The following CCDC7 variants were observed in gnomAD, a reference collection of about 807,000 sequenced individuals.
CCDC7 encodes coiled-coil domain-containing protein 7.
Under a neutral mutation model 196.9 loss-of-function variants are expected in CCDC7, and 183 were observed. The observed-to-expected ratio is 0.93, with a 90% CI of 0.82 to 1.05. The LOEUF (loss-of-function observed/expected upper bound fraction) is 1.05. Among genes scored for constraint, CCDC7 ranks in the 50% least tolerant of loss-of-function variants. The pLI, the probability that CCDC7 is intolerant of heterozygous loss-of-function variation, is 0.00. For missense variants in CCDC7, 1,540 were observed against 1,482.2 expected (o/e 1.04, Z -0.64); for synonymous variants, 525 against 484.6 (o/e 1.08, Z -1.10).
At chr10:32,591,719 G>C (rs2059799307) in intron 18 of CCDC7, among the ~76,000 whole-genome samples, 1 of 152,164 alleles carries the variant, frequency 6.6e-6, no homozygotes, top group African/African-American at 2.4e-5. Context: ...GGGGAGTGCT[G>C]CCAGGGTGTT....
Position 32,760,768 on chromosome 10 carries a change from G to A in CCDC7, c.2906-18209G>A, listed in dbSNP as rs56874978. Among the ~76,000 whole-genome samples, 1,375 of 145,726 alleles carry A rather than the reference G, an allele frequency of 9.4e-3. 31 individuals are homozygous for A. The highest frequency in any genetic ancestry group is 0.034 in the African/African-American group (1,304 of 38,226). On this transcript the variant is annotated intron_variant, in intron 28 of 41. Coordinates refer to ENST00000639629, the Ensembl canonical transcript of CCDC7. ...AATAATAATAAAATTAAAAAAAAAA[G>A]ATATTACAAAAAAAAAGAACACCCA...
chr10:32,698,348 G>A (rs1229111992), intron 24 of CCDC7, among the ~76,000 whole-genome samples: 2 of 152,184 alleles, frequency 1.3e-5, no homozygotes, highest in African/African-American at 4.8e-5. Flanking sequence ...GACGGAGAAT[G>A]ACTTTGACGA....
At chr10:32,771,515 T>A (rs1048898643) in intron 28 of CCDC7, among the ~76,000 whole-genome samples, 4 of 152,232 alleles carry the variant, frequency 2.6e-5, no homozygotes, top group African/African-American at 9.6e-5. Context: ...GATAGTTTTT[T>A]TCTTTTTAGG....
chr10:32,723,372 A>C (rs1011295782), intron 25 of CCDC7, among the ~76,000 whole-genome samples: 1 of 152,152 alleles, frequency 6.6e-6, no homozygotes, highest in Non-Finnish European at 1.5e-5. Flanking sequence ...GCATGGCCTT[A>C]TGAGGATGTT....
At chr10:32,739,026 T>C (rs1441624871) in intron 28 of CCDC7, among the ~76,000 whole-genome samples, 1 of 152,126 alleles carries the variant, frequency 6.6e-6, no homozygotes, top group Admixed American at 6.6e-5. Flanking sequence ...TTTTAAATAT[T>C]TTAAGTTTTT....
intron 20 of CCDC7, among the ~76,000 whole-genome samples, chr10:32,659,577 G>T (rs1322586810): frequency 2.6e-5 from 4 of 152,038 alleles, no homozygotes; most frequent in African/African-American, 7.2e-5. Flanking sequence ...TATGTTTAAG[G>T]TCTAATATCC....
At chr10:32,525,268 A>T (rs977667534) in intron 11 of CCDC7, among the ~76,000 whole-genome samples, 1 of 152,122 alleles carries the variant, frequency 6.6e-6, no homozygotes, top group Non-Finnish European at 1.5e-5. Flanking sequence ...AAGAAAAAAA[A>T]ACCCAAATAG....
chr10:32,757,899 GA>G (rs1421745531), intron 28 of CCDC7, among the ~76,000 whole-genome samples: 1 of 152,054 alleles, frequency 6.6e-6, no homozygotes. Context: ...TAGGTGCAAT[GA>G]AAAATGATAA....
chr10:32,462,340 A>G (rs1240861860), intron 3 of CCDC7, among the ~76,000 whole-genome samples: 1 of 152,138 alleles, frequency 6.6e-6, no homozygotes, highest in Non-Finnish European at 1.5e-5. Flanking sequence ...CAAGAGGATC[A>G]CTTGAGCCCA....
At chr10:32,820,917 A>C (rs1176872901) in intron 31 of CCDC7, among the ~76,000 whole-genome samples, 1 of 152,204 alleles carries the variant, frequency 6.6e-6, no homozygotes, top group Non-Finnish European at 1.5e-5. Context: ...TAAGGACTTC[A>C]TGTCTAAAAC....
chr10:32,449,204 T>C (rs923819856), upstream of CCDC7, among the ~76,000 whole-genome samples: 1 of 152,112 alleles, frequency 6.6e-6, no homozygotes, highest in African/African-American at 2.4e-5. Flanking sequence ...ATTTATTTAT[T>C]TGAGATGGAG....
chr10:32,813,272 T>C (rs2135388156), intron 30 of CCDC7, among the ~76,000 whole-genome samples: 1 of 152,300 alleles, frequency 6.6e-6, no homozygotes, highest in Non-Finnish European at 1.5e-5. Context: ...GAATTTCTTT[T>C]TAATAATTTT....
chr10:32,645,110 C>T (rs985654856), intron 20 of CCDC7, among the ~76,000 whole-genome samples: 5 of 152,152 alleles, frequency 3.3e-5, no homozygotes, highest in African/African-American at 1.2e-4. Context: ...TTCAACATCA[C>T]TAATCATCAG....
In CCDC7 at chr10:32,602,685, C is replaced by G. The variant is rs139778314; in HGVS notation, c.1801+18381C>G. Among the ~76,000 whole-genome samples, 354 of 152,250 alleles carry G rather than the reference C, an allele frequency of 2.3e-3. 3 individuals are homozygous for G. Among genetic ancestry groups the G allele is most frequent in the African/African-American group, 8.1e-3 (336 of 41,536 alleles). On this transcript the variant is annotated intron_variant, in intron 18 of 41. Transcript: ENST00000639629. Reference sequence around the variant, plus strand: ...TGTGACCTTGGGAAAGTTTCTTAAACTCTCTTTACCTCAGATTCCTTATCT... The same window carrying G: ...TGTGACCTTGGGAAAGTTTCTTAAAGTCTCTTTACCTCAGATTCCTTATCT...
At position 32,511,274 on chromosome 10, in the gene CCDC7, G is replaced by A. The variant is rs1463538668; in HGVS notation, c.873-6671G>A. 1.6e-4 allele frequency: 121 copies of A among 774,916 alleles called. 9 individuals carry two copies. Among genetic ancestry groups the A allele is most frequent in the Non-Finnish European group, 2.2e-4 (113 of 503,708 alleles). The allele number at this position is 774,916 out of a possible 1,614,324, so 48.0% of individuals were successfully genotyped here. A position where few individuals can be genotyped will look rare whatever the true frequency, so the allele number is the denominator to read the frequency against. On this transcript the variant is annotated intron_variant, in intron 9 of 41. Coordinates refer to ENST00000639629, the Ensembl canonical transcript of CCDC7. ...TTCTGTGGGGGGCGGGGGGGGCGGG[G>A]AAATGTACTTTTTGAATATGTGTAC...
chr10:32,875,308 G>T (rs552810108), intron 41 of CCDC7, among the ~76,000 whole-genome samples: 96 of 152,144 alleles, frequency 6.3e-4, no homozygotes, highest in Admixed American at 7.9e-4. Flanking sequence ...GTTAATTTTT[G>T]TATAAGGTTT....
rs560823609 is a variant in CCDC7, at chr10:32,843,172, A to T, written c.3353-2071A>T. On this transcript the variant is annotated intron_variant, in intron 33 of 41. Coordinates refer to ENST00000639629, the Ensembl canonical transcript of CCDC7. ...AAATCCACCGGAACAAATGCAAAAAAATATATAAATAAGAAGGTTAGTATA... is the reference window on the plus strand; with the variant it reads ...AAATCCACCGGAACAAATGCAAAAATATATATAAATAAGAAGGTTAGTATA... 8.5e-5 allele frequency among the ~76,000 whole-genome samples: 13 copies of T among 152,084 alleles called. 1 individual carries two copies. In the South Asian group the frequency reaches 2.7e-3, roughly 32 times the overall value.
At chr10:32,501,668 G>A (rs1407673918) in intron 9 of CCDC7, among the ~76,000 whole-genome samples, 1 of 152,200 alleles carries the variant, frequency 6.6e-6, no homozygotes, top group Non-Finnish European at 1.5e-5. Flanking sequence ...CACCAGCAGA[G>A]GCTGTAGAAC....
chr10:32,610,399 C>T (rs932738254), intron 18 of CCDC7, among the ~76,000 whole-genome samples: 8 of 152,076 alleles, frequency 5.3e-5, no homozygotes, highest in South Asian at 2.1e-4. Flanking sequence ...CCAACGCACC[C>T]GGCCCCAGAT....
Sources: allele counts gnomAD v4.1 joint callset (sites outside exome capture counted in the v4.1 genomes callset), GRCh38; gene constraint gnomAD v4.1.1; transcripts MANE v1.5; gene names NCBI Gene and HGNC (gene_info 2026-07-23, HGNC 2026-07-21).